The following MTRES1 variants were observed in gnomAD, a reference collection of about 807,000 sequenced individuals.
MTRES1 encodes the protein uncharacterized protein C6orf203.
MTRES1 carries 11 observed loss-of-function variants against 17.4 expected under a neutral mutation model. The observed-to-expected ratio is 0.63, with a 90% confidence interval of 0.40 to 1.05. The LOEUF is 1.05. Ranked by LOEUF, MTRES1 falls within the 50% of genes least tolerant of loss-of-function variation. The probability of loss-of-function intolerance (pLI) is 0.00; values close to 1 mark genes in which losing one functional copy is unlikely to be tolerated. For synonymous variants in MTRES1, 94 were observed against 99.6 expected, an observed-to-expected ratio of 0.94 and a Z score of 0.34; for missense variants, 268 against 276.2, an observed-to-expected ratio of 0.97 and a Z score of 0.21.
chr6:107,048,641 G>A (rs1281123505), intron 3 of MTRES1, among the ~76,000 whole-genome samples: 1 of 151,526 alleles, frequency 6.6e-6, no homozygotes, highest in Non-Finnish European at 1.5e-5. Context: ...TTAGCTGGGT[G>A]TGGTGGCACA....
intron 2 of MTRES1, among the ~76,000 whole-genome samples, chr6:107,041,181 C>T (rs529255573): frequency 8.1e-4 from 121 of 150,084 alleles, no homozygotes; most frequent in Non-Finnish European, 1.4e-3. Flanking sequence ...GCCGAGATCA[C>T]GCCATTGCAC....
intron 1 of MTRES1, among the ~76,000 whole-genome samples, chr6:107,039,534 G>T (rs1315099659): frequency 6.6e-6 from 1 of 152,012 alleles, no homozygotes; most frequent in Non-Finnish European, 1.5e-5. Flanking sequence ...TGGCCAGGCT[G>T]GTCTTGTACT....
At chr6:107,043,914 G>A (rs1297113581) in intron 2 of MTRES1, among the ~76,000 whole-genome samples, 2 of 152,224 alleles carry the variant, frequency 1.3e-5, no homozygotes, top group African/African-American at 4.8e-5. Context: ...GGATCACGAG[G>A]TCAGGAGTTC....
intron 2 of MTRES1, among the ~76,000 whole-genome samples, chr6:107,042,849 T>C (rs1554227925): frequency 6.6e-6 from 1 of 152,240 alleles, no homozygotes; most frequent in African/African-American, 2.4e-5. Flanking sequence ...AGAATGGAGC[T>C]TGACATCTAT....
At chr6:107,032,450 C>T (rs945269050) in intron 1 of MTRES1, among the ~76,000 whole-genome samples, 6 of 152,066 alleles carry the variant, frequency 3.9e-5, no homozygotes, top group African/African-American at 1.2e-4. Flanking sequence ...CAGTGGATCA[C>T]GCCTGTAATT....
chr6:107,043,207 G>A (rs547188822), intron 2 of MTRES1, among the ~76,000 whole-genome samples: 8 of 152,138 alleles, frequency 5.3e-5, no homozygotes, highest in South Asian at 2.1e-4. Context: ...GGTGGCGGGC[G>A]CCTGTAGTCC....
At position 107,050,959 on chromosome 6, in the gene MTRES1, G is replaced by A. The variant is rs554149246; in HGVS notation, c.544-98G>A. ...GCCTTTACTCACCTGCCCCTCCTCT[G>A]GGTCATGATCATGTGGTGAAAACTC... is the stretch of plus-strand genomic sequence containing the variant. On this transcript the variant is annotated intron_variant, in intron 3 of 3. Coordinates refer to ENST00000311381, the MANE Select transcript of MTRES1 (RefSeq NM_016487.5). The A allele has an allele frequency of 1.0e-5, 10 of 982,010 alleles. No homozygotes were observed. In the African/African-American group the frequency reaches 1.3e-4, roughly 13 times the overall value. 60.8% of individuals were successfully genotyped at this position (982,010 alleles called of 1,614,324 possible).
chr6:107,037,714 TTTTA>T (rs1774058022), intron 1 of MTRES1, among the ~76,000 whole-genome samples: 1 of 151,936 alleles, frequency 6.6e-6, no homozygotes, highest in Non-Finnish European at 1.5e-5. Context: ...TTATATAGCA[TTTTA>T]TTTATTTATT....
chr6:107,030,474 G>A (rs1773798548), intron 1 of MTRES1, among the ~76,000 whole-genome samples: 1 of 152,156 alleles, frequency 6.6e-6, no homozygotes, highest in Non-Finnish European at 1.5e-5. Context: ...AAAGGGAAAA[G>A]ATGCATGGGA....
At chr6:107,031,108 A>G (rs1773821097) in intron 1 of MTRES1, among the ~76,000 whole-genome samples, 1 of 152,126 alleles carries the variant, frequency 6.6e-6, no homozygotes, top group South Asian at 2.1e-4. Flanking sequence ...GGCCGGGCAC[A>G]GTGGCTCAGG....
At chr6:107,050,963 C>T (rs1554229131) in intron 3 of MTRES1, 94 bp from the exon 4 acceptor site, 2 of 1,022,748 alleles carry the variant, frequency 2.0e-6, no homozygotes, top group African/African-American at 1.6e-5. Context: ...TCCTCTGGGT[C>T]ATGATCATGT....
chr6:107,042,339 C>CAA (rs58406771), intron 2 of MTRES1, among the ~76,000 whole-genome samples: 39,059 of 98,282 alleles, frequency 0.4, 8,950 homozygotes, highest in Middle Eastern at 0.54. Flanking sequence ...GACTCCGTCT[C>CAA]AAAAAAAAAA....
chr6:107,050,701 C>T lies in MTRES1; in HGVS notation c.544-356C>T, dbSNP rs189601701. On this transcript the variant is annotated intron_variant, in intron 3 of 3. Coordinates refer to ENST00000311381, the MANE Select transcript of MTRES1 (RefSeq NM_016487.5). ...AAGCGATTCTCCTGCCACAGCCTTC[C>T]GAGTATTTGGGATCACAGGCACCCA... Among the ~76,000 whole-genome samples the T allele has an allele frequency of 2.0e-3, 299 of 151,922 alleles. 2 individuals are homozygous for T. Among genetic ancestry groups the T allele is most frequent in the African/African-American group, 6.5e-3 (268 of 41,418 alleles).
intron 3 of MTRES1, among the ~76,000 whole-genome samples, chr6:107,050,679 C>A (rs6941590): frequency 0.037 from 5,625 of 150,118 alleles, 164 homozygotes; most frequent in Middle Eastern, 0.13. Flanking sequence ...CGGGTCCAAG[C>A]GATTCTCCTG....
chr6:107,040,469 T>G (rs1774163615), intron 2 of MTRES1: 1 of 309,424 alleles, frequency 3.2e-6, no homozygotes, highest in African/African-American at 2.2e-5. Context: ...GACTGTAAGA[T>G]GAACCATTGA....
intron 1 of MTRES1, among the ~76,000 whole-genome samples, chr6:107,031,607 T>A (rs1773844605): frequency 1.5e-5 from 2 of 130,138 alleles, no homozygotes; most frequent in Non-Finnish European, 3.3e-5. Context: ...CGTGCCCAGC[T>A]ATTTTTTTTT....
intron 1 of MTRES1, among the ~76,000 whole-genome samples, chr6:107,033,228 C>G (rs1188329222): frequency 6.6e-6 from 1 of 151,970 alleles, no homozygotes; most frequent in Non-Finnish European, 1.5e-5. Flanking sequence ...TAATTTGTGA[C>G]TTAATTCAAA....
chr6:107,045,662 C>T (rs1268402701), intron 3 of MTRES1, among the ~76,000 whole-genome samples: 1 of 151,940 alleles, frequency 6.6e-6, no homozygotes, highest in African/African-American at 2.4e-5. Context: ...GTATGTATCA[C>T]TTTCATAATG....
In MTRES1 at chr6:107,051,480, C is replaced by T. The variant is rs539974876; in HGVS notation, c.*244C>T. On this transcript the variant is annotated 3_prime_UTR_variant, in exon 4 of 4. Coordinates refer to ENST00000311381, the MANE Select transcript of MTRES1 (RefSeq NM_016487.5). ...TGAGAACCCCTTTGCCAGAGTGAGA[C>T]GTGTGCAGAATGAACTAAGCCCCAG... is the stretch of plus-strand genomic sequence containing the variant. 3 of 418,510 alleles carry T rather than the reference C, an allele frequency of 7.2e-6. No homozygotes were observed. Among genetic ancestry groups the T allele is most frequent in the African/African-American group, 6.1e-5 (3 of 49,378 alleles). 25.9% of individuals were successfully genotyped at this position (418,510 alleles called of 1,614,324 possible).
Sources: allele counts gnomAD v4.1 joint callset (sites outside exome capture counted in the v4.1 genomes callset), GRCh38; gene constraint gnomAD v4.1.1; transcripts MANE v1.5; gene names NCBI Gene and HGNC (gene_info 2026-07-23, HGNC 2026-07-21).